TSHR: variants seen among roughly 807,000 people sequenced by gnomAD.
The protein encoded by TSHR is thyroid stimulating hormone receptor.
TSHR carries 51 observed loss-of-function variants against 64.1 expected under a neutral mutation model. The observed-to-expected ratio is 0.80, with a 90% confidence interval of 0.64 to 1.01. The LOEUF (loss-of-function observed/expected upper bound fraction) is 1.01, where lower values mean the gene tolerates loss of function less well. Ranked by LOEUF, TSHR falls within the 50% of genes least tolerant of loss-of-function variation. The pLI, the probability that TSHR is intolerant of heterozygous loss-of-function variation, is 0.00. For synonymous variants in TSHR, 361 were observed against 361.9 expected, an observed-to-expected ratio of 1.00 and a Z score of 0.03; for missense variants, 877 against 942.8, an observed-to-expected ratio of 0.93 and a Z score of 0.91.
At chr14:81,102,913 A>G (rs1039544930) in intron 7 of TSHR, 5 of 985,382 alleles carry the variant, frequency 5.1e-6, no homozygotes, top group Middle Eastern at 5.2e-4. Flanking sequence ...AGATCCAATC[A>G]TAATAGAAAA....
At chr14:81,047,036 A>G (rs1885198539) in intron 1 of TSHR, among the ~76,000 whole-genome samples, 2 of 152,344 alleles carry the variant, frequency 1.3e-5, no homozygotes, top group African/African-American at 4.8e-5. Context: ...CATTTCCACC[A>G]GACCTGTACT....
chr14:81,144,479 T>C lies in TSHR; in HGVS notation c.*126T>C, dbSNP rs1891855369. On this transcript the variant is annotated 3_prime_UTR_variant, in exon 10 of 10. Coordinates refer to ENST00000298171, the MANE Select transcript of TSHR (RefSeq NM_000369.5). ...CACTCTTGTGCAGGCGATGTTTCAA[T>C]GTTTCATGGGGCAAGAGTTTATCTC... The C allele has an allele frequency of 1.0e-6, 1 of 969,810 alleles. No homozygotes were observed. Among genetic ancestry groups the C allele is most frequent in the South Asian group, 1.4e-5 (1 of 71,164 alleles). 60.1% of individuals were successfully genotyped at this position (969,810 alleles called of 1,614,324 possible). A position where few individuals can be genotyped will look rare whatever the true frequency, so the allele number is the denominator to read the frequency against.
At chr14:81,042,459 A>C (rs950166753) in intron 1 of TSHR, among the ~76,000 whole-genome samples, 2 of 152,230 alleles carry the variant, frequency 1.3e-5, no homozygotes, top group African/African-American at 4.8e-5. Flanking sequence ...TAGCCATAAA[A>C]AATGAAGGAA....
intron 1 of TSHR, among the ~76,000 whole-genome samples, chr14:80,997,208 C>T (rs1362509067): frequency 6.6e-6 from 1 of 152,178 alleles, no homozygotes; most frequent in African/African-American, 2.4e-5. Context: ...GTCTCTGATT[C>T]CAAAGCTCCA....
chr14:81,013,953 A>T (rs1024351334), intron 1 of TSHR: 19 of 152,144 alleles, frequency 1.2e-4, no homozygotes, highest in African/African-American at 4.1e-4. Context: ...ACTTAAAATG[A>T]TTTGTGGGAA....
chr14:80,968,772 T>A (rs1297998432), intron 1 of TSHR, among the ~76,000 whole-genome samples: 1 of 152,186 alleles, frequency 6.6e-6, no homozygotes, highest in East Asian at 1.9e-4. Context: ...CACTCCTTAC[T>A]CTTCCTAATG....
intron 1 of TSHR, among the ~76,000 whole-genome samples, chr14:80,974,284 C>T (rs1887754317): frequency 6.6e-6 from 1 of 152,152 alleles, no homozygotes; most frequent in African/African-American, 2.4e-5. Context: ...CAACACTTGT[C>T]TACTTTTCAA....
intron 1 of TSHR, among the ~76,000 whole-genome samples, chr14:81,046,352 G>A (rs1405787577): frequency 6.6e-6 from 1 of 151,906 alleles, no homozygotes; most frequent in Non-Finnish European, 1.5e-5. Flanking sequence ...AAGACATAAA[G>A]AAGACCTGAA....
intron 2 of TSHR, among the ~76,000 whole-genome samples, chr14:81,064,042 G>A (rs1162322811): frequency 6.6e-6 from 1 of 152,134 alleles, no homozygotes; most frequent in African/African-American, 2.4e-5. Context: ...TGTAAATCAT[G>A]TGAAGGAGTT....
At position 80,985,735 on chromosome 14, in the gene TSHR, G is replaced by A. The variant is rs534688869; in HGVS notation, c.170+29885G>A. 3.3e-5 allele frequency among the ~76,000 whole-genome samples: 5 copies of A among 152,278 alleles called. No individual in the cohort carries two copies. In the South Asian group the frequency reaches 6.2e-4, roughly 19 times the overall value. Reference sequence around the variant, plus strand: ...CATACTGTAAATATGTATGGAACTTGCTTCCCCCCAGTTGTGTATTGTAAA... The same window carrying A: ...CATACTGTAAATATGTATGGAACTTACTTCCCCCCAGTTGTGTATTGTAAA... On this transcript the variant is annotated intron_variant, in intron 1 of 9. Coordinates refer to ENST00000298171, the MANE Select transcript of TSHR (RefSeq NM_000369.5).
chr14:81,020,468 A>G (rs1710576681), intron 1 of TSHR, among the ~76,000 whole-genome samples: 3 of 152,172 alleles, frequency 2.0e-5, no homozygotes, highest in Admixed American at 6.5e-5. Context: ...TCTTATAGGA[A>G]AGTGAACCCT....
chr14:81,005,197 TTGTGTGTGTGTGTG>T (rs71103894), intron 1 of TSHR, among the ~76,000 whole-genome samples: 81,089 of 149,804 alleles, frequency 0.54, 22,608 homozygotes, highest in Admixed American at 0.62. Flanking sequence ...ACTCAAGCCT[TTGTGTGTGTGTGTG>T]TGTGTGTGTG....
At chr14:81,061,085 C>G (rs1886203242) in intron 1 of TSHR, among the ~76,000 whole-genome samples, 2 of 152,084 alleles carry the variant, frequency 1.3e-5, no homozygotes, top group Admixed American at 6.6e-5. Context: ...AGAATTTGCT[C>G]CTTGCCAGTC....
At position 81,010,133 on chromosome 14, in the gene TSHR, T is replaced by G. The variant is rs140443272; in HGVS notation, c.171-52015T>G. On this transcript the variant is annotated intron_variant, in intron 1 of 9. Transcript: ENST00000298171. Reference sequence around the variant, plus strand: ...GAGCATTTTTCATGCTTTTTCTTGTTTCACTTTACCTTCTTTTTCTGTAAA... The same window carrying G: ...GAGCATTTTTCATGCTTTTTCTTGTGTCACTTTACCTTCTTTTTCTGTAAA... Among the ~76,000 whole-genome samples the G allele has an allele frequency of 9.3e-3, 1,414 of 152,314 alleles. 12 individuals carry two copies. Among genetic ancestry groups the G allele is most frequent in the Middle Eastern group, 0.027 (8 of 294 alleles).
At chr14:81,096,558 G>T (rs2139998748) in intron 6 of TSHR, 81 bp from the exon 7 acceptor site, 1 of 1,414,730 alleles carries the variant, frequency 7.1e-7, no homozygotes, top group East Asian at 2.3e-5. Flanking sequence ...TGACACTGAA[G>T]AAATATAGTC....
At chr14:81,015,753 A>G (rs761200852) in intron 1 of TSHR, among the ~76,000 whole-genome samples, 1 of 152,040 alleles carries the variant, frequency 6.6e-6, no homozygotes, top group Non-Finnish European at 1.5e-5. Context: ...GAAATTTTGT[A>G]TCCTTTCACC....
intron 1 of TSHR, among the ~76,000 whole-genome samples, chr14:81,041,789 A>G (rs1884936449): frequency 6.6e-6 from 1 of 152,136 alleles, no homozygotes. Flanking sequence ...GATATTTACC[A>G]TCATGTTACA....
chr14:81,004,208 C>T lies in TSHR; in HGVS notation c.170+48358C>T, dbSNP rs114220170. 3.8e-3 allele frequency among the ~76,000 whole-genome samples: 576 copies of T among 152,270 alleles called. 8 individuals are homozygous for T. Among genetic ancestry groups the T allele is most frequent in the African/African-American group, 0.013 (559 of 41,548 alleles). On this transcript the variant is annotated intron_variant, in intron 1 of 9. Transcript: ENST00000298171. ...AGCACTTTACTCGTCTCCCCTCTCC[C>T]GACCCCGGTGGGTCAATAGATAGCA...
rs112523801 is a variant in TSHR, at chr14:80,960,613, G to T, written c.170+4763G>T. On this transcript the variant is annotated intron_variant, in intron 1 of 9. Transcript: ENST00000298171. Reference sequence around the variant, plus strand: ...ATATATATATGAGAGAGAATATATAGAGAGAGGGAATATATCTGTATACCT... The same window carrying T: ...ATATATATATGAGAGAGAATATATATAGAGAGGGAATATATCTGTATACCT... Among the ~76,000 whole-genome samples, 87 of 152,274 alleles carry T rather than the reference G, an allele frequency of 5.7e-4. 1 individual carries two copies. Among genetic ancestry groups the T allele is most frequent in the African/African-American group, 1.4e-3 (57 of 41,550 alleles).
Sources: allele counts gnomAD v4.1 joint callset (sites outside exome capture counted in the v4.1 genomes callset), GRCh38; gene constraint gnomAD v4.1.1; transcripts MANE v1.5; gene names NCBI Gene and HGNC (gene_info 2026-07-23, HGNC 2026-07-21).